The following RIPK1 variants were observed in gnomAD, a reference collection of about 807,000 sequenced individuals.
RIPK1 encodes the protein receptor interacting serine/threonine kinase 1.
Under a neutral mutation model 62.4 loss-of-function variants are expected in RIPK1, and 27 were observed. The ratio of observed to expected loss-of-function variants is 0.43; its 90% CI spans 0.32 to 0.60. The LOEUF is 0.60. RIPK1 is among the 20% of genes least tolerant of loss of function. The probability of loss-of-function intolerance (pLI) is 0.07; values close to 1 mark genes in which losing one functional copy is unlikely to be tolerated. For synonymous variants in RIPK1, 287 were observed against 303.2 expected (o/e 0.95, Z 0.55); for missense variants, 735 against 831.0 (o/e 0.88, Z 1.42).
intron 7 of RIPK1, among the ~76,000 whole-genome samples, chr6:3,100,109 G>T (rs1760518658): frequency 1.3e-5 from 2 of 152,162 alleles, no homozygotes; most frequent in Non-Finnish European, 2.9e-5. Flanking sequence ...TTACAGTGTG[G>T]TCCTTTTAAT....
At chr6:3,090,885 C>CGCCTACCTGCCGCACCTAGTAACCGCAGA in intron 7 of RIPK1, among the ~76,000 whole-genome samples, 1 of 15,500 alleles carries the variant, frequency 6.5e-5, no homozygotes, top group South Asian at 2.9e-3. Context: ...GTAACCGCAG[C>CGCCTACCTGCCGCACCTAGTAACCGCAGA]GCGCCTACCT....
In RIPK1 at chr6:3,115,020, T is replaced by G. The variant is rs2113732807; in HGVS notation, c.*1681T>G. 6.6e-6 allele frequency: 1 copy of G among 152,258 alleles called. No homozygotes were observed. The highest frequency in any genetic ancestry group is 1.9e-4 in the East Asian group (1 of 5,152). 9.4% of individuals were successfully genotyped at this position (152,258 alleles called of 1,614,324 possible). ...CCCAAAAGGGAGAATGGAGGGAGGC[T>G]CCAGGCTTTGCTGGAGGGGCCTGGG... On this transcript the variant is annotated 3_prime_UTR_variant, in exon 11 of 11. Coordinates refer to ENST00000259808, the MANE Select transcript of RIPK1 (RefSeq NM_001354930.2).
chr6:3,095,797 C>T (rs986876153), intron 7 of RIPK1, among the ~76,000 whole-genome samples: 10 of 150,844 alleles, frequency 6.6e-5, no homozygotes, highest in Admixed American at 4.0e-4. Context: ...AATAAGGTAT[C>T]TTGAAACGAA....
intron 5 of RIPK1, among the ~76,000 whole-genome samples, chr6:3,083,701 C>T (rs1759540743): frequency 6.6e-6 from 1 of 152,138 alleles, no homozygotes; most frequent in African/African-American, 2.4e-5. Flanking sequence ...GATAGAGACA[C>T]TCTGCAGTTT....
chr6:3,085,562 A>G (rs1040742016), intron 6 of RIPK1, among the ~76,000 whole-genome samples, 154 bp downstream of exon 6: 2 of 152,244 alleles, frequency 1.3e-5, no homozygotes, highest in African/African-American at 4.8e-5. Context: ...CATGTTATTC[A>G]GTGCAAAGAA....
At chr6:3,112,923 T>G in intron 10 of RIPK1, 130 bp from the exon 11 acceptor site, 1 of 702,898 alleles carries the variant, frequency 1.4e-6, no homozygotes, top group African/African-American at 1.8e-5. Context: ...AACAGCTATA[T>G]AACTAAGAAG....
At chr6:3,075,503 T>C (rs1759005158) in intron 1 of RIPK1, among the ~76,000 whole-genome samples, 1 of 152,262 alleles carries the variant, frequency 6.6e-6, no homozygotes, top group Non-Finnish European at 1.5e-5. Flanking sequence ...TGTTCATAAT[T>C]ACTTAAACCT....
In RIPK1 at chr6:3,072,252, C is replaced by G. The variant is rs1464169727; in HGVS notation, c.-61+3591C>G. Reference sequence around the variant, plus strand: ...TTTTAATTTTACATTTAATTCATGTCTATTGTGGAAAATTTGGAAAACATA... The same window carrying G: ...TTTTAATTTTACATTTAATTCATGTGTATTGTGGAAAATTTGGAAAACATA... On this transcript the variant is annotated intron_variant, in intron 1 of 10. Transcript: ENST00000259808. This position sits in a 1 kb window ranked among gnomAD's most constrained non-coding sequence, Gnocchi z 5.6. Among the ~76,000 whole-genome samples, 2 of 152,126 alleles carry G rather than the reference C, an allele frequency of 1.3e-5. No homozygotes were observed. Among genetic ancestry groups the G allele is most frequent in the Non-Finnish European group, 2.9e-5 (2 of 68,022 alleles).
At chr6:3,102,390 G>C (rs1427759202) in intron 7 of RIPK1, among the ~76,000 whole-genome samples, 1 of 152,112 alleles carries the variant, frequency 6.6e-6, no homozygotes, top group Non-Finnish European at 1.5e-5. Flanking sequence ...TAAACTTCAT[G>C]TTTAGACTTA....
intron 3 of RIPK1, among the ~76,000 whole-genome samples, chr6:3,079,153 C>G (rs1472514679): frequency 6.6e-6 from 1 of 152,036 alleles, no homozygotes; most frequent in African/African-American, 2.4e-5. Context: ...AATCTCGGCT[C>G]ACTGCAACCT....
intron 10 of RIPK1, among the ~76,000 whole-genome samples, chr6:3,112,399 G>T (rs942821070): frequency 5.9e-5 from 9 of 152,168 alleles, no homozygotes; most frequent in South Asian, 2.1e-4. Flanking sequence ...ACCCAGGAAG[G>T]TCTAATACCA....
intron 5 of RIPK1, among the ~76,000 whole-genome samples, chr6:3,084,113 A>G (rs556754085): frequency 6.6e-6 from 1 of 152,276 alleles, no homozygotes; most frequent in South Asian, 2.1e-4. Flanking sequence ...ATATATCTGC[A>G]ACCCATCTGC....
At chr6:3,100,840 G>C (rs1399004033) in intron 7 of RIPK1, among the ~76,000 whole-genome samples, 1 of 152,156 alleles carries the variant, frequency 6.6e-6, no homozygotes, top group East Asian at 1.9e-4. Flanking sequence ...CGATCTGCTC[G>C]CCTCGGCCTC....
chr6:3,114,726 C>G lies in RIPK1; in HGVS notation c.*1387C>G, dbSNP rs1983606. The G allele has an allele frequency of 0.9, 137,124 of 152,286 alleles. 62,344 individuals are homozygous for G. Among genetic ancestry groups the G allele is most frequent in the East Asian group, 1 (5,179 of 5,180 alleles). 9.4% of individuals were successfully genotyped at this position (152,286 alleles called of 1,614,324 possible). ...AGCCTTGCCACTGTCGGCATCTCGGCCTGGGTAATTCTGTTGTGGGGACTG... is the reference window on the plus strand; with the variant it reads ...AGCCTTGCCACTGTCGGCATCTCGGGCTGGGTAATTCTGTTGTGGGGACTG... On this transcript the variant is annotated 3_prime_UTR_variant, in exon 11 of 11. Coordinates refer to ENST00000259808, the MANE Select transcript of RIPK1 (RefSeq NM_001354930.2). This position sits in a 1 kb window ranked among gnomAD's most constrained non-coding sequence, Gnocchi z 5.0.
intron 8 of RIPK1, among the ~76,000 whole-genome samples, chr6:3,104,794 C>T (rs575130743): frequency 2.6e-5 from 4 of 152,144 alleles, no homozygotes; most frequent in Non-Finnish European, 2.9e-5. Context: ...CATAATTGCT[C>T]CTCCTCTCAT....
rs1174246857 is a variant in RIPK1 at position 3,115,185 on chromosome 6, C to T, written c.*1846C>T. ...CTTTTTAAAATAAAAATTTATACCA[C>T]AACTTTAGGCTATTGATGTGATGTG... On this transcript the variant is annotated 3_prime_UTR_variant, in exon 11 of 11. Coordinates refer to ENST00000259808, the MANE Select transcript of RIPK1 (RefSeq NM_001354930.2). 1 of 152,144 alleles carries T rather than the reference C, an allele frequency of 6.6e-6. No homozygotes were observed. Among genetic ancestry groups the T allele is most frequent in the Non-Finnish European group, 1.5e-5 (1 of 68,016 alleles). 9.4% of individuals were successfully genotyped at this position (152,144 alleles called of 1,614,324 possible).
At chr6:3,067,781 C>T (rs1346211765), upstream of RIPK1, among the ~76,000 whole-genome samples, 1 of 151,572 alleles carries the variant, frequency 6.6e-6, no homozygotes, top group East Asian at 1.9e-4. Context: ...TTGCTCTTGT[C>T]ACCCAGGCTG....
intron 7 of RIPK1, 32 bp downstream of exon 7, chr6:3,089,689 AC>A (rs774004020): frequency 1.4e-5 from 16 of 1,145,168 alleles, no homozygotes; most frequent in Non-Finnish European, 1.9e-5. Flanking sequence ...CAAAATATTA[AC>A]ATAGCAAAAT....
At chr6:3,103,414 G>C (rs1019816522) in intron 7 of RIPK1, among the ~76,000 whole-genome samples, 2 of 151,582 alleles carry the variant, frequency 1.3e-5, no homozygotes, top group Admixed American at 6.6e-5. Context: ...GATAACTCCT[G>C]CCTCAGCCTC....
Sources: allele counts gnomAD v4.1 joint callset (sites outside exome capture counted in the v4.1 genomes callset), GRCh38; gene constraint gnomAD v4.1.1; non-coding constraint Gnocchi (gnomAD v3.1); transcripts MANE v1.5; gene names NCBI Gene and HGNC (gene_info 2026-07-23, HGNC 2026-07-21).